PHF21A: variants seen among roughly 807,000 people sequenced by gnomAD.
The protein encoded by PHF21A is BHC80a.
A neutral mutation model predicts 82.5 loss-of-function variants in PHF21A; 11 were observed. The ratio of observed to expected loss-of-function variants is 0.13; its 90% CI spans 0.08 to 0.22. The LOEUF (loss-of-function observed/expected upper bound fraction) is 0.22. Ranked by LOEUF, PHF21A falls within the 10% of genes least tolerant of loss-of-function variation. The probability of loss-of-function intolerance (pLI) is 1.00; values close to 1 mark genes in which losing one functional copy is unlikely to be tolerated. For missense variants in PHF21A, 579 were observed against 837.8 expected, an observed-to-expected ratio of 0.69 and a Z score of 3.81; for synonymous variants, 297 against 302.8, an observed-to-expected ratio of 0.98 and a Z score of 0.20.
chr11:45,998,753 C>T (rs1455733389), intron 6 of PHF21A, among the ~76,000 whole-genome samples: 2 of 151,940 alleles, frequency 1.3e-5, no homozygotes, highest in African/African-American at 4.8e-5. Flanking sequence ...CTCAAGTCAT[C>T]CACCTACCTC....
At chr11:45,993,069 T>C (rs2094773661) in intron 6 of PHF21A, among the ~76,000 whole-genome samples, 1 of 152,232 alleles carries the variant, frequency 6.6e-6, no homozygotes, top group Non-Finnish European at 1.5e-5. Context: ...ACCAGAACAC[T>C]GAAACTAACA....
At chr11:45,941,287 T>C (rs1482363756) in intron 15 of PHF21A, among the ~76,000 whole-genome samples, 2 of 152,132 alleles carry the variant, frequency 1.3e-5, no homozygotes, top group African/African-American at 4.8e-5. Context: ...TTTGTAGAGA[T>C]GGGGGTCTCC....
At chr11:46,042,689 G>C (rs2096175174) in intron 6 of PHF21A, among the ~76,000 whole-genome samples, 1 of 152,026 alleles carries the variant, frequency 6.6e-6, no homozygotes, top group South Asian at 2.1e-4. Context: ...GTCTTTAAGA[G>C]GCCATTAGGT....
intron 7 of PHF21A, among the ~76,000 whole-genome samples, chr11:45,972,212 CTGAT>C (rs1306940777): frequency 6.6e-6 from 1 of 152,094 alleles, no homozygotes; most frequent in Non-Finnish European, 1.5e-5. Flanking sequence ...GAGGACTTGA[CTGAT>C]GCTCCTTAAG....
intron 6 of PHF21A, among the ~76,000 whole-genome samples, chr11:46,041,518 A>G (rs183225167): frequency 3.3e-5 from 5 of 152,276 alleles, no homozygotes; most frequent in Admixed American, 2.0e-4. Flanking sequence ...CTTGGTTTCA[A>G]TTATAGCCAG....
intron 1 of PHF21A, among the ~76,000 whole-genome samples, chr11:46,101,258 G>C (rs185188165): frequency 1.1e-4 from 17 of 152,320 alleles, no homozygotes; most frequent in African/African-American, 3.8e-4. Flanking sequence ...TCTTCAGTAA[G>C]TTAAAAGACA....
chr11:46,070,863 C>T (rs2096649026), intron 6 of PHF21A, among the ~76,000 whole-genome samples: 1 of 152,188 alleles, frequency 6.6e-6, no homozygotes, highest in Non-Finnish European at 1.5e-5. Context: ...AAATGCATAT[C>T]AATACATCTT....
At chr11:45,936,107 T>C (rs2088953111) in intron 17 of PHF21A, among the ~76,000 whole-genome samples, 1 of 151,998 alleles carries the variant, frequency 6.6e-6, no homozygotes, top group African/African-American at 2.4e-5. Flanking sequence ...GCGAAACCTG[T>C]CTCCACCAAA....
At chr11:46,067,597 A>C (rs1377168580) in intron 6 of PHF21A, among the ~76,000 whole-genome samples, 2 of 36,834 alleles carry the variant, frequency 5.4e-5, no homozygotes, top group Admixed American at 3.9e-4. Flanking sequence ...TCCACCCCCC[A>C]CAAAAAAAAA....
intron 6 of PHF21A, among the ~76,000 whole-genome samples, chr11:46,022,290 C>CA (rs956805661): frequency 4.0e-5 from 6 of 151,892 alleles, no homozygotes; most frequent in Admixed American, 1.3e-4. Context: ...CCCATTTCTA[C>CA]AAAAAAATTT....
chr11:46,103,383 A>G (rs1322382858), intron 1 of PHF21A, among the ~76,000 whole-genome samples: 1 of 152,234 alleles, frequency 6.6e-6, no homozygotes, highest in African/African-American at 2.4e-5. Context: ...CTCTATTGCA[A>G]AGTAAGATTA....
intron 3 of PHF21A, among the ~76,000 whole-genome samples, chr11:46,086,505 T>C (rs1200051280): frequency 6.6e-6 from 1 of 152,208 alleles, no homozygotes; most frequent in East Asian, 1.9e-4. Flanking sequence ...AAGATTTTTG[T>C]TATCATGTAA....
intron 3 of PHF21A, among the ~76,000 whole-genome samples, chr11:46,089,908 T>C (rs560566321): frequency 3.3e-5 from 5 of 151,558 alleles, no homozygotes; most frequent in Non-Finnish European, 7.4e-5. Flanking sequence ...CAGGCCAGGG[T>C]TCCCCATAGC....
chr11:46,093,049 C>T (rs1021455182), intron 1 of PHF21A, among the ~76,000 whole-genome samples: 5 of 152,186 alleles, frequency 3.3e-5, no homozygotes, highest in African/African-American at 1.2e-4. Context: ...AGCCACTGTG[C>T]CTGGCCACAT....
chr11:46,015,659 T>C (rs2095501983), intron 6 of PHF21A, among the ~76,000 whole-genome samples: 1 of 152,296 alleles, frequency 6.6e-6, no homozygotes, highest in East Asian at 1.9e-4. Flanking sequence ...AATATTTAAA[T>C]TTTTTGTAAC....
intron 1 of PHF21A, among the ~76,000 whole-genome samples, chr11:46,108,704 C>T (rs1285457503): frequency 6.6e-6 from 1 of 151,892 alleles, no homozygotes; most frequent in East Asian, 1.9e-4. Context: ...AGATGCACAG[C>T]TTTTGTAATA....
At chr11:46,069,471 C>T (rs1482798930) in intron 6 of PHF21A, among the ~76,000 whole-genome samples, 10 of 152,108 alleles carry the variant, frequency 6.6e-5, no homozygotes, top group Non-Finnish European at 1.3e-4. Flanking sequence ...CTGTGAACCA[C>T]GGAGGGTAAC....
chr11:46,116,843 T>C (rs1417127128), intron 1 of PHF21A: 4 of 152,502 alleles, frequency 2.6e-5, no homozygotes, highest in African/African-American at 9.6e-5. Context: ...GACACCTCTA[T>C]AATCACAGCT....
chr11:46,115,973 G>A (rs766328194), intron 1 of PHF21A, among the ~76,000 whole-genome samples: 26 of 152,008 alleles, frequency 1.7e-4, no homozygotes, highest in African/African-American at 5.1e-4. Context: ...TTTTCTCACC[G>A]TTCACAGAAG....
Sources: allele counts gnomAD v4.1 joint callset (sites outside exome capture counted in the v4.1 genomes callset), GRCh38; gene constraint gnomAD v4.1.1; transcripts MANE v1.5; gene names NCBI Gene and HGNC (gene_info 2026-07-23, HGNC 2026-07-21).